FBXO38: variants seen among roughly 807,000 people sequenced by gnomAD.
FBXO38 encodes the protein F-box protein 38.
Under a neutral mutation model 131.9 loss-of-function variants are expected in FBXO38, and 53 were observed. That is an observed-to-expected ratio of 0.40 (90% CI 0.32 to 0.51). The LOEUF is 0.51. Among genes scored for constraint, FBXO38 ranks in the 20% least tolerant of loss-of-function variants. FBXO38 has a pLI of 0.53. For missense variants in FBXO38, 1,076 were observed against 1,475.6 expected (o/e 0.73, Z 4.44); for synonymous variants, 452 against 505.6 (o/e 0.89, Z 1.42).
At chr5:148,397,170 A>G (rs1474501908) in intron 2 of FBXO38, among the ~76,000 whole-genome samples, 2 of 152,158 alleles carry the variant, frequency 1.3e-5, no homozygotes, top group African/African-American at 2.4e-5. Flanking sequence ...ACTACATAGC[A>G]TGTCTTCATA....
chr5:148,413,467 C>G (rs529204933), intron 9 of FBXO38: 1 of 151,940 alleles, frequency 6.6e-6, no homozygotes, highest in African/African-American at 2.4e-5. Context: ...AATCTTGGAG[C>G]GTGAGGGGGC....
At chr5:148,410,989 A>G in intron 9 of FBXO38, 8 of 443,520 alleles carry the variant, frequency 1.8e-5, no homozygotes, top group Non-Finnish European at 2.8e-5. Flanking sequence ...GTTACTAACA[A>G]TACACCAGAA....
intron 1 of FBXO38, among the ~76,000 whole-genome samples, chr5:148,393,433 G>C (rs746491126): frequency 6.6e-6 from 1 of 152,066 alleles, no homozygotes; most frequent in Non-Finnish European, 1.5e-5. Flanking sequence ...TGCCCACCAG[G>C]TGCCTTTCTC....
intron 12 of FBXO38, among the ~76,000 whole-genome samples, chr5:148,418,667 C>T (rs1426158326): frequency 6.6e-6 from 1 of 152,180 alleles, no homozygotes; most frequent in Non-Finnish European, 1.5e-5. Flanking sequence ...AAGATCTGCA[C>T]TTCAGAGGAC....
rs1384542599 is a variant in FBXO38 at position 148,441,982 on chromosome 5, T to C, written c.3402T>C (p.Ala1134=). 1 of 1,613,204 alleles carries C rather than the reference T, an allele frequency of 6.2e-7. No individual in the cohort carries two copies. Among genetic ancestry groups the C allele is most frequent in the Admixed American group, 1.7e-5 (1 of 59,848 alleles). Residue 1134 remains alanine, a synonymous_variant, in exon 22 of 22, where the codon GCT becomes GCC. Coordinates refer to ENST00000340253, the MANE Select transcript of FBXO38 (RefSeq NM_205836.3). ...CTAATTTCAAAGGCACTATCTATGC[T>C]CCTAGAAGGAAAGGACAGCTGTCTG... ...FEDDEESTIY[A]PRRKGQLSAD...
intron 2 of FBXO38, among the ~76,000 whole-genome samples, chr5:148,396,859 G>C (rs895049014): frequency 6.6e-6 from 1 of 152,034 alleles, no homozygotes; most frequent in African/African-American, 2.4e-5. Flanking sequence ...TCCCATTTTG[G>C]CCTCCCAAAG....
chr5:148,399,941 G>A (rs1581234238), intron 3 of FBXO38, among the ~76,000 whole-genome samples: 1 of 151,582 alleles, frequency 6.6e-6, no homozygotes, highest in South Asian at 2.1e-4. Flanking sequence ...AAAAAAAAAA[G>A]CCTTAATAGA....
intron 6 of FBXO38, 98 bp downstream of exon 6, chr5:148,404,920 T>G: frequency 9.6e-7 from 1 of 1,043,326 alleles, no homozygotes; most frequent in Non-Finnish European, 1.3e-6. Context: ...TATATTATGC[T>G]ATTACTATTT....
At chr5:148,388,100 TCTC>T (rs1230803976) in intron 1 of FBXO38, among the ~76,000 whole-genome samples, 1 of 152,208 alleles carries the variant, frequency 6.6e-6, no homozygotes. Context: ...ACAATATTAA[TCTC>T]CTTGTGTATC....
chr5:148,405,147 GT>G (rs1486863730), intron 6 of FBXO38, among the ~76,000 whole-genome samples: 1 of 151,974 alleles, frequency 6.6e-6, no homozygotes, highest in Non-Finnish European at 1.5e-5. Flanking sequence ...CATGTAAATA[GT>G]TGGCTTCCTT....
chr5:148,424,127 T>C lies in FBXO38; in HGVS notation c.1738+10T>C. On this transcript the variant is annotated intron_variant, in intron 13 of 21. Transcript: ENST00000340253. ...GATGAGGAACAAGCAGGTAATCATGTGATCCATCCCACATTCATCATTCTG... is the reference window on the plus strand; with the variant it reads ...GATGAGGAACAAGCAGGTAATCATGCGATCCATCCCACATTCATCATTCTG... The C allele has an allele frequency of 6.2e-7, 1 of 1,609,272 alleles. No homozygotes were observed. Among genetic ancestry groups the C allele is most frequent in the Non-Finnish European group, 8.5e-7 (1 of 1,177,848 alleles).
At chr5:148,435,458 A>G (rs1474990349) in intron 17 of FBXO38, among the ~76,000 whole-genome samples, 2 of 152,166 alleles carry the variant, frequency 1.3e-5, no homozygotes, top group Non-Finnish European at 2.9e-5. Context: ...AAGCTTAATC[A>G]TTGCTATATT....
chr5:148,424,238 A>G (rs776869411), intron 13 of FBXO38, 121 bp downstream of exon 13: 39 of 952,366 alleles, frequency 4.1e-5, no homozygotes, highest in African/African-American at 6.6e-5. Context: ...GTTTTATGCT[A>G]TTGATTACTG....
chr5:148,423,471 A>G (rs771481479), intron 12 of FBXO38, among the ~76,000 whole-genome samples: 36 of 152,238 alleles, frequency 2.4e-4, no homozygotes, highest in African/African-American at 7.5e-4. Flanking sequence ...TTGTTAGTCA[A>G]TTGAATGAAA....
intron 21 of FBXO38, 29 bp downstream of exon 21, chr5:148,441,266 C>A: frequency 6.6e-7 from 1 of 1,520,856 alleles, no homozygotes; most frequent in South Asian, 1.1e-5. Flanking sequence ...GACATCTATT[C>A]TCTAGTTTAA....
chr5:148,415,992 C>G lies in FBXO38; in HGVS notation c.1329C>G (p.Asp443Glu), dbSNP rs770394960. The change falls in exon 11 of 22, where the codon GAC (aspartate) becomes GAG (glutamate). Residue 443 changes from aspartate to glutamate, a missense_variant. Physicochemically the swap from Asp to Glu is conservative, Grantham distance 45. Around this residue, in one of 8 missense-constraint regions of FBXO38, gnomAD observed 146 missense variants for 274.3 expected, o/e 0.53. Coordinates refer to ENST00000340253, the MANE Select transcript of FBXO38 (RefSeq NM_205836.3). ...NLVRCHALKL[D>E]SFGQFIELLP... Reference sequence around the variant, plus strand: ...TACGGTGCCATGCTTTGAAGCTGGACTCTTTTGGCCAGTTTATTGAATTAT... The same window carrying G: ...TACGGTGCCATGCTTTGAAGCTGGAGTCTTTTGGCCAGTTTATTGAATTAT... 1 of 1,613,266 alleles carries G rather than the reference C, an allele frequency of 6.2e-7. No homozygotes were observed. Among genetic ancestry groups the G allele is most frequent in the Admixed American group, 1.7e-5 (1 of 59,916 alleles).
At chr5:148,401,926 T>C (rs1423154804) in intron 3 of FBXO38, 56 bp from the exon 4 acceptor site, 4 of 1,494,080 alleles carry the variant, frequency 2.7e-6, no homozygotes, top group African/African-American at 1.4e-5. Flanking sequence ...GAGTGCCTAG[T>C]AAATGTTAAT....
At chr5:148,408,257 A>G (rs950100361) in intron 7 of FBXO38, among the ~76,000 whole-genome samples, 2 of 152,258 alleles carry the variant, frequency 1.3e-5, no homozygotes, top group African/African-American at 4.8e-5. Flanking sequence ...ATGTGAAGCA[A>G]CAGGACCTTT....
Position 148,394,752 on chromosome 5 carries a change from C to G in FBXO38, c.-25C>G. On this transcript the variant is annotated 5_prime_UTR_variant, in exon 2 of 22. Transcript: ENST00000340253. ...AAGTAAACAAAAGGGAAGATTTTCT[C>G]GTTGATACTGGAGACTGCACAACAA... 1.3e-6 allele frequency: 2 copies of G among 1,481,752 alleles called. No homozygotes were observed. The highest frequency in any genetic ancestry group is 5.0e-5 in the East Asian group (2 of 39,668). 91.8% of individuals were successfully genotyped at this position (1,481,752 alleles called of 1,614,324 possible). A position where few individuals can be genotyped will look rare whatever the true frequency, so the allele number is the denominator to read the frequency against.
Sources: gnomAD v4.1 joint callset for allele counts (sites outside exome capture counted in the v4.1 genomes callset) on GRCh38, gnomAD v4.1.1 for gene constraint, gnomAD v4.1.1 regional missense constraint, MANE v1.5 for transcripts, NCBI Gene and HGNC (gene_info 2026-07-23, HGNC 2026-07-21) for gene names.